The following POTEE variants were observed in gnomAD, a reference collection of about 807,000 sequenced individuals.
The protein encoded by POTEE is POTE ankyrin domain family member E.
Under a neutral mutation model 74.2 loss-of-function variants are expected in POTEE, and 21 were observed. That is an observed-to-expected ratio of 0.28 (90% CI 0.20 to 0.41). The LOEUF (loss-of-function observed/expected upper bound fraction) is 0.41, where lower values mean the gene tolerates loss of function less well. POTEE is among the 10% of genes least tolerant of loss of function. The probability of loss-of-function intolerance (pLI) is 1.00; values close to 1 mark genes in which losing one functional copy is unlikely to be tolerated. For missense variants in POTEE, 525 were observed against 1,158.6 expected, an observed-to-expected ratio of 0.45 and a Z score of 7.94; for synonymous variants, 211 against 432.8, an observed-to-expected ratio of 0.49 and a Z score of 6.36.
intron 16 of POTEE, among the ~76,000 whole-genome samples, chr2:131,257,209 AT>A (rs1239323752): frequency 8.6e-5 from 7 of 81,400 alleles, no homozygotes; most frequent in Admixed American, 4.0e-4. Context: ...TTGTGTGTTT[AT>A]CTCACTCTCA....
intron 7 of POTEE, 63 bp downstream of exon 7, chr2:131,226,992 T>C (rs1420833749): frequency 1.3e-6 from 2 of 1,587,698 alleles, no homozygotes; most frequent in Admixed American, 3.5e-5. Flanking sequence ...GTCATAAATA[T>C]TAAATTAATA....
At chr2:131,262,818 T>C (rs1179265338) in intron 17 of POTEE, among the ~76,000 whole-genome samples, 1 of 152,284 alleles carries the variant, frequency 6.6e-6, no homozygotes, top group Non-Finnish European at 1.5e-5. Flanking sequence ...TAACTGAGTA[T>C]AGAAATATTA....
intron 6 of POTEE, among the ~76,000 whole-genome samples, chr2:131,225,723 G>T (rs1573707135): frequency 1.6e-5 from 2 of 128,966 alleles, no homozygotes; most frequent in South Asian, 2.6e-4. Flanking sequence ...TGAGGTTTTT[G>T]CCATGTTTCT....
intron 6 of POTEE, among the ~76,000 whole-genome samples, chr2:131,226,132 G>T (rs567214345): frequency 1.3e-5 from 2 of 151,876 alleles, no homozygotes; most frequent in Admixed American, 6.6e-5. Context: ...GGACTATCCA[G>T]TGTGTCTCTT....
At chr2:131,215,811 T>C (rs1700432823) in intron 2 of POTEE, among the ~76,000 whole-genome samples, 1 of 136,262 alleles carries the variant, frequency 7.3e-6, no homozygotes, top group Admixed American at 7.7e-5. Context: ...TAACAATCAG[T>C]GTATTACAAC....
chr2:131,227,046 C>T (rs1217726281), intron 7 of POTEE, 117 bp downstream of exon 7: 1 of 1,385,954 alleles, frequency 7.2e-7, no homozygotes, highest in Non-Finnish European at 9.7e-7. Flanking sequence ...AGTATCAACA[C>T]AAATCAGTTA....
chr2:131,209,993 C>T (rs1172857730), intron 1 of POTEE, among the ~76,000 whole-genome samples, 174 bp downstream of exon 1: 1 of 101,522 alleles, frequency 9.9e-6, no homozygotes, highest in African/African-American at 4.0e-5. Flanking sequence ...CGGGGCTACA[C>T]TGCCCGTGGT....
intron 2 of POTEE, among the ~76,000 whole-genome samples, chr2:131,212,763 T>C (rs1163227585): frequency 6.7e-6 from 1 of 150,000 alleles, no homozygotes; most frequent in African/African-American, 2.5e-5. Context: ...GGGTTTTCTC[T>C]ATGTTGGTCA....
At chr2:131,229,230 G>A (rs1483048659) in intron 8 of POTEE, among the ~76,000 whole-genome samples, 1 of 152,168 alleles carries the variant, frequency 6.6e-6, no homozygotes, top group Non-Finnish European at 1.5e-5. Context: ...GATGTTAGGT[G>A]GGCTTGTTCT....
At chr2:131,251,251 G>A (rs1701458595) in intron 14 of POTEE, among the ~76,000 whole-genome samples, 1 of 25,510 alleles carries the variant, frequency 3.9e-5, no homozygotes, top group Non-Finnish European at 1.2e-4. Flanking sequence ...GTGACAGAGC[G>A]AGACTCCATG....
chr2:131,229,034 T>C (rs1410499591), intron 8 of POTEE, among the ~76,000 whole-genome samples: 2 of 150,566 alleles, frequency 1.3e-5, no homozygotes, highest in Non-Finnish European at 1.5e-5. Context: ...TCAGCCATTG[T>C]TCCCAGAGCA....
At chr2:131,231,336 T>C (rs1700949684) in intron 9 of POTEE, among the ~76,000 whole-genome samples, 1 of 151,378 alleles carries the variant, frequency 6.6e-6, no homozygotes, top group Admixed American at 6.6e-5. Context: ...ATATGAGCCA[T>C]AAGGAGTGGC....
At chr2:131,222,596 T>G (rs1222895418) in intron 4 of POTEE, among the ~76,000 whole-genome samples, 1 of 152,084 alleles carries the variant, frequency 6.6e-6, no homozygotes, top group Admixed American at 6.6e-5. Flanking sequence ...CACAAATCGT[T>G]TCATAAATCC....
intron 17 of POTEE, among the ~76,000 whole-genome samples, chr2:131,262,813 G>T (rs1175382203): frequency 6.6e-6 from 1 of 152,280 alleles, no homozygotes; most frequent in Non-Finnish European, 1.5e-5. Flanking sequence ...TCTTATAACT[G>T]AGTATAGAAA....
At chr2:131,221,913 C>G (rs1700630662) in intron 4 of POTEE, among the ~76,000 whole-genome samples, 1 of 152,258 alleles carries the variant, frequency 6.6e-6, no homozygotes, top group South Asian at 2.1e-4. Flanking sequence ...ATTTAGTCAT[C>G]AGACATAAGC....
At chr2:131,231,933 A>G (rs1700974991) in intron 9 of POTEE, among the ~76,000 whole-genome samples, 2 of 152,270 alleles carry the variant, frequency 1.3e-5, no homozygotes, top group South Asian at 4.1e-4. Flanking sequence ...GTTGCAGGAG[A>G]CAAAGATGGA....
chr2:131,220,694 G>T (rs1240040803), intron 4 of POTEE, among the ~76,000 whole-genome samples: 1 of 152,048 alleles, frequency 6.6e-6, no homozygotes, highest in Non-Finnish European at 1.5e-5. Context: ...GGGTACAGTG[G>T]CTTACGCCCG....
intron 1 of POTEE, among the ~76,000 whole-genome samples, chr2:131,210,229 GGGGT>G (rs2105054506): frequency 9.5e-6 from 1 of 105,728 alleles, no homozygotes; most frequent in South Asian, 4.2e-4. Flanking sequence ...TACCTGTGGT[GGGGT>G]GGGGGCGGCG....
intron 1 of POTEE, among the ~76,000 whole-genome samples, chr2:131,210,544 C>T (rs1454229268): frequency 6.6e-6 from 1 of 151,798 alleles, no homozygotes. Context: ...TTTCCAGACT[C>T]CAGAGTTCCT....
Sources: allele counts gnomAD v4.1 joint callset (sites outside exome capture counted in the v4.1 genomes callset), GRCh38; gene constraint gnomAD v4.1.1; transcripts MANE v1.5; gene names NCBI Gene and HGNC (gene_info 2026-07-23, HGNC 2026-07-21).